The following FNIP2 variants were observed in gnomAD, a reference collection of about 807,000 sequenced individuals.
FNIP2 encodes the protein folliculin-interacting protein 2.
FNIP2 carries 32 observed loss-of-function variants against 108.7 expected under a neutral mutation model. That is an observed-to-expected ratio of 0.29 (90% CI 0.22 to 0.40). The LOEUF is 0.40. Ranked by LOEUF, FNIP2 falls within the 10% of genes least tolerant of loss-of-function variation. The pLI is 1.00. For synonymous variants in FNIP2, 480 were observed against 496.7 expected, an observed-to-expected ratio of 0.97 and a Z score of 0.45; for missense variants, 1,202 against 1,381.6, an observed-to-expected ratio of 0.87 and a Z score of 2.06.
Position 158,868,861 on chromosome 4 carries a change from T to A in FNIP2, c.2225T>A (p.Val742Glu). 1 of 1,613,746 alleles carries A rather than the reference T, an allele frequency of 6.2e-7. No homozygotes were observed. The highest frequency in any genetic ancestry group is 8.5e-7 in the Non-Finnish European group (1 of 1,179,832). Residue 742 changes from valine to glutamate, a missense_variant, in exon 13 of 17, where the codon GTG becomes GAG. By Grantham distance (121) the Val-to-Glu change is moderately radical. Coordinates refer to ENST00000264433, the MANE Select transcript of FNIP2 (RefSeq NM_020840.3). The surrounding 1 kb of genome is among the most constrained non-coding windows in gnomAD (Gnocchi z 4.6). ...ESRMKKMEERVKACGPSLEAS... is the reference protein window; with the variant it reads ...ESRMKKMEEREKACGPSLEAS... ...CGCATGAAAAAAATGGAGGAACGGG[T>A]GAAGGCCTGTGGCCCCTCCTTGGAG...
chr4:158,878,251 A>T (rs944914758), intron 14 of FNIP2, among the ~76,000 whole-genome samples: 1 of 152,168 alleles, frequency 6.6e-6, no homozygotes, highest in Non-Finnish European at 1.5e-5. Flanking sequence ...TCACCCGAGG[A>T]TGAAAGACTG....
intron 3 of FNIP2, among the ~76,000 whole-genome samples, chr4:158,830,294 C>A (rs1463524484): frequency 7.8e-6 from 1 of 127,632 alleles, no homozygotes; most frequent in East Asian, 2.3e-4. Flanking sequence ...CTCGCTCTGT[C>A]GCCCAGGCCG....
chr4:158,769,655 G>T (rs1578805174), intron 1 of FNIP2, among the ~76,000 whole-genome samples: 1 of 152,202 alleles, frequency 6.6e-6, no homozygotes, highest in South Asian at 2.1e-4. Context: ...GGGCAGAGCC[G>T]CCTGGGCACC....
rs1290979228 is a variant in FNIP2, at chr4:158,868,461, G to T, written c.1825G>T (p.Asp609Tyr). ...PECPEGTDSRDLGLKPDKEAN... is the reference protein window; with the variant it reads ...PECPEGTDSRYLGLKPDKEAN... Reference sequence around the variant, plus strand: ...GTGCCCAGAGGGCACTGACAGTAGAGACCTGGGTCTTAAACCTGACAAAGA... The same window carrying T: ...GTGCCCAGAGGGCACTGACAGTAGATACCTGGGTCTTAAACCTGACAAAGA... The change falls in exon 13 of 17, where the codon GAC becomes TAC. Residue 609 changes from aspartate to tyrosine, a missense_variant. Asp to Tyr is a radical substitution (Grantham distance 160). Transcript: ENST00000264433. This position sits in a 1 kb window ranked among gnomAD's most constrained non-coding sequence, Gnocchi z 4.6. 1.2e-6 allele frequency: 2 copies of T among 1,614,044 alleles called. No homozygotes were observed. Among genetic ancestry groups the T allele is most frequent in the African/African-American group, 1.3e-5 (1 of 75,068 alleles).
intron 5 of FNIP2, among the ~76,000 whole-genome samples, chr4:158,832,842 C>G (rs1294357751): frequency 3.9e-5 from 6 of 152,178 alleles, no homozygotes; most frequent in Non-Finnish European, 8.8e-5. Flanking sequence ...CATTAATTCC[C>G]TTACGTGCAG....
chr4:158,840,066 T>C (rs1779037702), intron 7 of FNIP2, among the ~76,000 whole-genome samples: 1 of 152,082 alleles, frequency 6.6e-6, no homozygotes. Flanking sequence ...GAGAAGAGGG[T>C]TGGGTGTCAG....
At chr4:158,819,317 T>G (rs894424524) in intron 1 of FNIP2, among the ~76,000 whole-genome samples, 1 of 152,218 alleles carries the variant, frequency 6.6e-6, no homozygotes, top group Non-Finnish European at 1.5e-5. Flanking sequence ...TTCTTAAAGA[T>G]GGAAGAATTG....
intron 10 of FNIP2, among the ~76,000 whole-genome samples, chr4:158,859,867 G>A (rs1351315862): frequency 2.6e-5 from 4 of 152,138 alleles, no homozygotes; most frequent in Non-Finnish European, 5.9e-5. Flanking sequence ...TTGCTCAACC[G>A]ACAGTCCCTG....
At chr4:158,876,057 A>G (rs775022384) in intron 14 of FNIP2, among the ~76,000 whole-genome samples, 39 of 152,208 alleles carry the variant, frequency 2.6e-4, no homozygotes, top group Middle Eastern at 3.2e-3. Context: ...GTTATGTCAT[A>G]TAAGCATGTA....
At chr4:158,843,934 T>C (rs963884226) in intron 7 of FNIP2, among the ~76,000 whole-genome samples, 2 of 152,236 alleles carry the variant, frequency 1.3e-5, no homozygotes, top group African/African-American at 4.8e-5. Flanking sequence ...CCTGCCCTGA[T>C]CATTTGCTGT....
Position 158,853,375 on chromosome 4 carries a change from A to AT in FNIP2, c.857+1933dup, listed in dbSNP as rs1212666302. Among the ~76,000 whole-genome samples, 10 of 152,018 alleles carry AT rather than the reference A, an allele frequency of 6.6e-5. No individual in the cohort carries two copies. In the South Asian group the frequency reaches 1.0e-3, roughly 16 times the overall value. On this transcript the variant is annotated intron_variant, in intron 8 of 16. Coordinates refer to ENST00000264433, the MANE Select transcript of FNIP2 (RefSeq NM_020840.3). ...ATGGACTATGACAACATCTGGATAAATTTTTTTTATTATTATTATACTTTA... is the reference window on the plus strand; with the variant it reads ...ATGGACTATGACAACATCTGGATAAATTTTTTTTTATTATTATTATACTTTA...
At chr4:158,792,811 G>C (rs1776465690) in intron 1 of FNIP2, among the ~76,000 whole-genome samples, 1 of 152,178 alleles carries the variant, frequency 6.6e-6, no homozygotes, top group Non-Finnish European at 1.5e-5. Flanking sequence ...TGCAGCCTTA[G>C]AATGGAGAAG....
intron 8 of FNIP2, among the ~76,000 whole-genome samples, chr4:158,856,559 T>C (rs1414841512): frequency 6.6e-6 from 1 of 152,224 alleles, no homozygotes; most frequent in African/African-American, 2.4e-5. Flanking sequence ...CCAGCTCCTT[T>C]CCTCAGTGCT....
chr4:158,861,897 A>G, intron 12 of FNIP2, 121 bp downstream of exon 12: 1 of 1,168,830 alleles, frequency 8.6e-7, no homozygotes, highest in Non-Finnish European at 1.2e-6. Context: ...TGGGCAGATG[A>G]GGAATAGGAA....
intron 15 of FNIP2, chr4:158,893,464 T>TATTA: frequency 4.2e-6 from 2 of 478,128 alleles, no homozygotes; most frequent in Non-Finnish European, 3.8e-6. Flanking sequence ...AAACAGCTAC[T>TATTA]ATTAGTATGA....
intron 1 of FNIP2, among the ~76,000 whole-genome samples, chr4:158,776,757 C>T (rs899464628): frequency 2.6e-5 from 4 of 152,164 alleles, no homozygotes; most frequent in Admixed American, 2.0e-4. Context: ...TAATGCAGTG[C>T]TTGGCAGGAA....
chr4:158,891,394 CT>C, intron 14 of FNIP2, 51 bp from the exon 15 acceptor site: 1 of 1,516,568 alleles, frequency 6.6e-7, no homozygotes, highest in Non-Finnish European at 8.9e-7. Context: ...AAACTTTGAC[CT>C]TTTGGACTCA....
chr4:158,794,684 C>T (rs1489162131), intron 1 of FNIP2: 1 of 152,302 alleles, frequency 6.6e-6, no homozygotes, highest in African/African-American at 2.4e-5. Context: ...ACATGTGCTG[C>T]CAAAGTGAGC....
chr4:158,769,465 G>T (rs1327877791), intron 1 of FNIP2, 146 bp downstream of exon 1: 1 of 446,996 alleles, frequency 2.2e-6, no homozygotes, highest in Non-Finnish European at 3.8e-6. Flanking sequence ...TTGTCAGCGT[G>T]GACGCGCCTG....
Sources: allele counts gnomAD v4.1 joint callset (sites outside exome capture counted in the v4.1 genomes callset), GRCh38; gene constraint gnomAD v4.1.1; non-coding constraint Gnocchi (gnomAD v3.1); transcripts MANE v1.5; gene names NCBI Gene and HGNC (gene_info 2026-07-23, HGNC 2026-07-21).